Variants in RAPGEF6 observed in about 807,000 individuals in gnomAD.
RAPGEF6 encodes the protein Rap guanine nucleotide exchange factor 6.
RAPGEF6 carries 56 observed loss-of-function variants against 171.4 expected under a neutral mutation model. That is an observed-to-expected ratio of 0.33 (90% CI 0.26 to 0.41). The LOEUF (loss-of-function observed/expected upper bound fraction) is 0.41, where lower values mean the gene tolerates loss of function less well. Ranked by LOEUF, RAPGEF6 falls within the 10% of genes least tolerant of loss-of-function variation. The pLI, the probability that RAPGEF6 is intolerant of heterozygous loss-of-function variation, is 1.00. For synonymous variants in RAPGEF6, 692 were observed against 650.1 expected, an observed-to-expected ratio of 1.06 and a Z score of -0.98; for missense variants, 1,674 against 1,921.4, an observed-to-expected ratio of 0.87 and a Z score of 2.41.
At chr5:131,456,650 C>T (rs1309684432) in intron 19 of RAPGEF6, among the ~76,000 whole-genome samples, 1 of 152,144 alleles carries the variant, frequency 6.6e-6, no homozygotes, top group African/African-American at 2.4e-5. Flanking sequence ...TCTACAGTAC[C>T]ATCACATAGG....
chr5:131,506,855 T>A (rs1220875051), intron 9 of RAPGEF6, among the ~76,000 whole-genome samples: 2 of 151,968 alleles, frequency 1.3e-5, no homozygotes, highest in Non-Finnish European at 2.9e-5. Flanking sequence ...TATTTCTCTC[T>A]TATGTATATA....
At chr5:131,544,742 G>T (rs1760398904) in intron 6 of RAPGEF6, among the ~76,000 whole-genome samples, 1 of 152,170 alleles carries the variant, frequency 6.6e-6, no homozygotes, top group Admixed American at 6.5e-5. Context: ...GAGTGCAGCG[G>T]CATGACCTTG....
intron 1 of RAPGEF6, among the ~76,000 whole-genome samples, chr5:131,614,281 C>CAAAAAAAAAAAA (rs386404987): frequency 3.7e-5 from 3 of 81,400 alleles, no homozygotes; most frequent in African/African-American, 1.1e-4. Context: ...GACTCTGTCT[C>CAAAAAAAAAAAA]AAAAAAAAAA....
intron 22 of RAPGEF6, among the ~76,000 whole-genome samples, chr5:131,444,058 A>C (rs1309475550): frequency 6.6e-6 from 1 of 152,256 alleles, no homozygotes; most frequent in Non-Finnish European, 1.5e-5. Flanking sequence ...TCCTTAGGTT[A>C]TCCAGGGTGG....
chr5:131,439,818 G>C (rs1375338497), intron 23 of RAPGEF6, 103 bp from the exon 24 acceptor site: 4 of 1,483,842 alleles, frequency 2.7e-6, no homozygotes, highest in Admixed American at 4.5e-5. Flanking sequence ...ACAATGGCTA[G>C]TGTAGTCAAC....
intron 17 of RAPGEF6, among the ~76,000 whole-genome samples, chr5:131,466,829 T>C (rs930578719): frequency 6.6e-6 from 1 of 152,230 alleles, no homozygotes; most frequent in Non-Finnish European, 1.5e-5. Flanking sequence ...TAGAAGATTA[T>C]TGCAAACAAA....
Position 131,504,622 on chromosome 5 carries a change from C to G in RAPGEF6, c.1254+4G>C, listed in dbSNP as rs1411094154. 1 of 1,576,954 alleles carries G rather than the reference C, an allele frequency of 6.3e-7. No individual in the cohort carries two copies. Among genetic ancestry groups the G allele is most frequent in the Non-Finnish European group, 8.6e-7 (1 of 1,166,958 alleles). ...TGACTAGAAAAATAAGTAAAAACACCCACCTTGATCACAATGTGTCCTTTC... is the reference window on the plus strand; with the variant it reads ...TGACTAGAAAAATAAGTAAAAACACGCACCTTGATCACAATGTGTCCTTTC... On this transcript the variant is annotated splice_donor_region_variant and intron_variant, in intron 11 of 27. Transcript: ENST00000509018.
chr5:131,557,484 G>T (rs1169570256), intron 5 of RAPGEF6, among the ~76,000 whole-genome samples: 1 of 152,082 alleles, frequency 6.6e-6, no homozygotes, highest in Non-Finnish European at 1.5e-5. Flanking sequence ...GTAATTTGGG[G>T]TTTTCTACAT....
chr5:131,608,052 C>T (rs1266899954), intron 1 of RAPGEF6, among the ~76,000 whole-genome samples: 1 of 152,310 alleles, frequency 6.6e-6, no homozygotes, highest in African/African-American at 2.4e-5. Context: ...TTAGCAACGT[C>T]TGGAGTTATT....
At chr5:131,477,046 C>T (rs1280639249) in intron 16 of RAPGEF6, among the ~76,000 whole-genome samples, 1 of 152,006 alleles carries the variant, frequency 6.6e-6, no homozygotes, top group African/African-American at 2.4e-5. Flanking sequence ...CCTATTTTTC[C>T]ATTGAAGTTT....
At chr5:131,434,349 C>T (rs566168023) in intron 24 of RAPGEF6, among the ~76,000 whole-genome samples, 1 of 152,164 alleles carries the variant, frequency 6.6e-6, no homozygotes, top group Non-Finnish European at 1.5e-5. Flanking sequence ...CTCAAGTGGT[C>T]CTCTTGCCTC....
At chr5:131,614,901 G>A (rs896670099) in intron 1 of RAPGEF6, among the ~76,000 whole-genome samples, 6 of 152,052 alleles carry the variant, frequency 3.9e-5, no homozygotes, top group Non-Finnish European at 4.4e-5. Flanking sequence ...TATTTCTTTC[G>A]ATTGGCCAAA....
At chr5:131,520,775 G>A (rs1039228490) in intron 7 of RAPGEF6, among the ~76,000 whole-genome samples, 1 of 152,158 alleles carries the variant, frequency 6.6e-6, no homozygotes, top group Non-Finnish European at 1.5e-5. Context: ...ACCCTGGCTT[G>A]AACCTAACTT....
At position 131,548,128 on chromosome 5, in the gene RAPGEF6, G is replaced by T. The variant is rs1384891877; in HGVS notation, c.414C>A (p.Ser138=). The T allele has an allele frequency of 1.9e-6, 3 of 1,613,656 alleles. No homozygotes were observed. In the Admixed American group the frequency reaches 5.0e-5, roughly 27 times the overall value. The change falls in exon 6 of 28, where the codon TCC becomes TCA. Residue 138 remains serine, a synonymous_variant. Coordinates refer to ENST00000509018, the MANE Select transcript of RAPGEF6 (RefSeq NM_016340.6). ...AGTTAATTTTCCGAAATCTTCTTCG[G>T]GATTGTCTGGCAGGAATTTCTCTTT... The part of the protein sequence containing the change: ...ILQREIPARQ[S]RRRFRKINYK...
intron 11 of RAPGEF6, among the ~76,000 whole-genome samples, chr5:131,503,856 T>C (rs1339245756): frequency 1.3e-5 from 2 of 152,190 alleles, no homozygotes; most frequent in African/African-American, 2.4e-5. Context: ...TTAGCCCTAA[T>C]AAAGTCTTGA....
intron 6 of RAPGEF6, among the ~76,000 whole-genome samples, chr5:131,522,944 T>C (rs553474872): frequency 6.6e-6 from 1 of 152,182 alleles, no homozygotes; most frequent in African/African-American, 2.4e-5. Context: ...ACAGGATTAC[T>C]AGCATTTCCA....
At chr5:131,594,508 A>C (rs1763775749) in intron 3 of RAPGEF6, among the ~76,000 whole-genome samples, 2 of 152,322 alleles carry the variant, frequency 1.3e-5, no homozygotes, top group South Asian at 4.1e-4. Context: ...GTGGGGTTGG[A>C]GCCCCCACAC....
chr5:131,515,337 A>G (rs1443134073), intron 7 of RAPGEF6, among the ~76,000 whole-genome samples: 1 of 152,146 alleles, frequency 6.6e-6, no homozygotes, highest in African/African-American at 2.4e-5. Flanking sequence ...AGGTTGACCC[A>G]TTTCATAACC....
intron 4 of RAPGEF6, among the ~76,000 whole-genome samples, chr5:131,576,105 A>G (rs1762591116): frequency 6.6e-6 from 1 of 152,124 alleles, no homozygotes; most frequent in Non-Finnish European, 1.5e-5. Context: ...CTCACCTTAT[A>G]CCTAGCACCA....
Sources: gnomAD v4.1 joint callset for allele counts (sites outside exome capture counted in the v4.1 genomes callset) on GRCh38, gnomAD v4.1.1 for gene constraint, MANE v1.5 for transcripts, NCBI Gene and HGNC (gene_info 2026-07-23, HGNC 2026-07-21) for gene names.